Variants in CHD6 observed in about 807,000 individuals in gnomAD.
The protein encoded by CHD6 is chromodomain helicase DNA binding protein 6, also known as ATP-dependent chromatin remodeler CHD6.
Under a neutral mutation model 276.9 loss-of-function variants are expected in CHD6, and 50 were observed. The ratio of observed to expected loss-of-function variants is 0.18; its 90% CI spans 0.14 to 0.23. The LOEUF (loss-of-function observed/expected upper bound fraction) is 0.23, where lower values mean the gene tolerates loss of function less well. Among genes scored for constraint, CHD6 ranks in the 10% least tolerant of loss-of-function variants. CHD6 has a pLI of 1.00. For synonymous variants in CHD6, 1,173 were observed against 1,229.3 expected, an observed-to-expected ratio of 0.95 and a Z score of 0.96; for missense variants, 2,564 against 3,365.8, an observed-to-expected ratio of 0.76 and a Z score of 5.89.
rs1457088058 is a variant in CHD6, at chr20:41,421,994, T to C, written c.4641A>G (p.Lys1547=). The C allele has an allele frequency of 6.2e-7, 1 of 1,614,230 alleles. No homozygotes were observed. Among genetic ancestry groups the C allele is most frequent in the African/African-American group, 1.3e-5 (1 of 75,056 alleles). ...RTLYRIELLR[K]VREQVLKCPQ... ...GGCACTTGAGCACTTGCTCTCGGACTTTCCGTAACAGTTCAATGCGGTACA... is the reference window on the plus strand; with the variant it reads ...GGCACTTGAGCACTTGCTCTCGGACCTTCCGTAACAGTTCAATGCGGTACA... The change falls in exon 31 of 37, where the codon AAA becomes AAG. Residue 1547 remains lysine, a synonymous_variant. Transcript: ENST00000373233.
chr20:41,423,242 T>A (rs758551944), intron 30 of CHD6, among the ~76,000 whole-genome samples: 5 of 152,230 alleles, frequency 3.3e-5, no homozygotes, highest in Non-Finnish European at 7.3e-5. Context: ...GTTGGCAGTC[T>A]TCCAATATTT....
chr20:41,604,001 C>A (rs1161989170), intron 1 of CHD6, among the ~76,000 whole-genome samples: 1 of 110,928 alleles, frequency 9.0e-6, no homozygotes, highest in Middle Eastern at 8.9e-3. Context: ...TGTGCGCATG[C>A]GTGTTTGTAT....
At chr20:41,515,805 G>A (rs971722940) in intron 3 of CHD6, among the ~76,000 whole-genome samples, 1 of 152,218 alleles carries the variant, frequency 6.6e-6, no homozygotes, top group African/African-American at 2.4e-5. Flanking sequence ...GAAGTTCCTA[G>A]AGGGCAGTAT....
rs2043561781 is a variant in CHD6 at position 41,491,803 on chromosome 20, T to C, written c.1331A>G (p.Asp444Gly). 1 of 1,613,654 alleles carries C rather than the reference T, an allele frequency of 6.2e-7. No homozygotes were observed. Among genetic ancestry groups the C allele is most frequent in the South Asian group, 1.1e-5 (1 of 91,070 alleles). The change falls in exon 11 of 37, where the codon GAC becomes GGC. Residue 444 changes from aspartate to glycine, a missense_variant. Physicochemically the swap from Asp to Gly is moderately conservative, Grantham distance 94 (BLOSUM62 -1). Transcript: ENST00000373233. ...EIKHVERPAS[D>G]SWQKLEKSRE... ...AGACTTCTCAAGTTTCTGCCAGGAG[T>C]CTGAAGCAGGCCGCTCCTAGGGAGG...
At chr20:41,618,267 G>A (rs2045956042) in intron 1 of CHD6, 73 bp downstream of exon 1, 1 of 151,882 alleles carries the variant, frequency 6.6e-6, no homozygotes, top group Non-Finnish European at 1.5e-5. Context: ...GGCGGGGCGG[G>A]GCCGGGGACC....
At chr20:41,565,790 G>T (rs1438364875) in intron 1 of CHD6, among the ~76,000 whole-genome samples, 4 of 152,158 alleles carry the variant, frequency 2.6e-5, no homozygotes, top group Admixed American at 2.6e-4. Context: ...AGTGGGCAGA[G>T]GTTGGAAAGG....
At chr20:41,612,201 T>G (rs1401885532) in intron 1 of CHD6, among the ~76,000 whole-genome samples, 2 of 152,232 alleles carry the variant, frequency 1.3e-5, no homozygotes, top group Non-Finnish European at 2.9e-5. Flanking sequence ...GTACTCACCT[T>G]GTCAGACAGG....
chr20:41,455,513 A>G (rs542197929), intron 19 of CHD6, among the ~76,000 whole-genome samples: 4 of 152,334 alleles, frequency 2.6e-5, no homozygotes, highest in African/African-American at 7.2e-5. Context: ...AAGGTTTCAG[A>G]GCAGTCCTTG....
rs1275202977 is a variant in CHD6, at chr20:41,424,102, G to GA, written c.4347-403dup. On this transcript the variant is annotated intron_variant, in intron 29 of 36. Transcript: ENST00000373233. ...TTTTTTTTACCCGTATGGCAATATA[G>GA]AAGCAGAGAATCCTGAAGGGATGTT... 4.6e-5 allele frequency among the ~76,000 whole-genome samples: 7 copies of GA among 152,150 alleles called. No individual in the cohort carries two copies. The East Asian group carries it at 1.4e-3, about 29-fold the overall frequency.
chr20:41,488,728 T>C, intron 12 of CHD6, 124 bp from the exon 13 acceptor site: 1 of 759,714 alleles, frequency 1.3e-6, no homozygotes, highest in South Asian at 2.0e-5. Flanking sequence ...AAGCACTGCT[T>C]TTCCTCATGT....
intron 1 of CHD6, among the ~76,000 whole-genome samples, chr20:41,591,280 C>G (rs999741818): frequency 6.6e-6 from 1 of 151,234 alleles, no homozygotes; most frequent in African/African-American, 2.4e-5. Flanking sequence ...TTAATGGGTA[C>G]AGCACACCAA....
chr20:41,407,987 A>AT (rs1233966667), intron 36 of CHD6, among the ~76,000 whole-genome samples: 1 of 152,120 alleles, frequency 6.6e-6, no homozygotes, highest in Non-Finnish European at 1.5e-5. Context: ...GAAAACGTGC[A>AT]TATCTGAATG....
rs146144596 is a variant in CHD6 at position 41,484,521 on chromosome 20, C to T, written c.2088G>A (p.Glu696=). The T allele has an allele frequency of 1.2e-5, 19 of 1,613,822 alleles. No homozygotes were observed. Among genetic ancestry groups the T allele is most frequent in the African/African-American group, 5.3e-5 (4 of 74,894 alleles). Residue 696 remains glutamate, a synonymous_variant, in exon 15 of 37, where the codon GAG becomes GAA. Coordinates refer to ENST00000373233, the MANE Select transcript of CHD6 (RefSeq NM_032221.5). ...TGGTCAGTTCCACCTCAATGATCGT[C>T]TCTTGTTTGGGAGCAAGGTTCTTTT... is the stretch of plus-strand genomic sequence containing the variant. The part of the protein sequence containing the change: ...DVEKNLAPKQ[E]TIIEVELTNI...
Position 41,514,159 on chromosome 20 carries a change from A to G in CHD6, c.702+646T>C, listed in dbSNP as rs2044193007. ...CCATGAAGGTCCAGATGATCCTGGA[A>G]GGTATAGTACGTCAGTCTTATTCTA... On this transcript the variant is annotated intron_variant, in intron 4 of 36. Coordinates refer to ENST00000373233, the MANE Select transcript of CHD6 (RefSeq NM_032221.5). Among the ~76,000 whole-genome samples the G allele has an allele frequency of 2.6e-5, 4 of 152,336 alleles. No homozygotes were observed. In the South Asian group the frequency reaches 8.3e-4, roughly 32 times the overall value.
At chr20:41,437,431 T>C in intron 26 of CHD6, 97 bp from the exon 27 acceptor site, 1 of 736,790 alleles carries the variant, frequency 1.4e-6, no homozygotes, top group East Asian at 2.6e-5. Flanking sequence ...AATACTAAGA[T>C]ATTTTGGGGG....
chr20:41,471,555 A>G (rs1252925666), intron 17 of CHD6, among the ~76,000 whole-genome samples: 1 of 144,898 alleles, frequency 6.9e-6, no homozygotes, highest in African/African-American at 2.6e-5. Context: ...TTTTTTTTTG[A>G]GACCGAGTCT....
At chr20:41,441,191 G>A (rs983827948) in intron 25 of CHD6, among the ~76,000 whole-genome samples, 1 of 152,140 alleles carries the variant, frequency 6.6e-6, no homozygotes, top group Non-Finnish European at 1.5e-5. Context: ...TCATGAGGTC[G>A]TGAGCTTCCT....
At chr20:41,462,025 C>A in intron 17 of CHD6, 1 of 152,302 alleles carries the variant, frequency 6.6e-6, no homozygotes, top group Non-Finnish European at 1.5e-5. Flanking sequence ...GGGTAGAAAA[C>A]TTACAGACAA....
intron 17 of CHD6, 25 bp from the exon 18 acceptor site, chr20:41,457,453 A>G: frequency 6.3e-7 from 1 of 1,599,070 alleles, no homozygotes; most frequent in South Asian, 1.1e-5. Flanking sequence ...AGTCATATGC[A>G]TCACGTCACC....
Sources: allele counts gnomAD v4.1 joint callset (sites outside exome capture counted in the v4.1 genomes callset), GRCh38; gene constraint gnomAD v4.1.1; transcripts MANE v1.5; gene names NCBI Gene and HGNC (gene_info 2026-07-23, HGNC 2026-07-21).